The following SRGAP3 variants were observed in gnomAD, a reference collection of about 807,000 sequenced individuals.
SRGAP3 encodes SLIT-ROBO Rho GTPase-activating protein 3.
Under a neutral mutation model 121.1 loss-of-function variants are expected in SRGAP3, and 39 were observed. The ratio of observed to expected loss-of-function variants is 0.32; its 90% confidence interval spans 0.25 to 0.42. SRGAP3 has a LOEUF of 0.42. SRGAP3 is among the 10% of genes least tolerant of loss of function. SRGAP3 has a pLI of 1.00. For missense variants in SRGAP3, 1,213 were observed against 1,470.6 expected (o/e 0.82, Z 2.86); for synonymous variants, 601 against 570.0 (o/e 1.05, Z -0.77).
intron 3 of SRGAP3, among the ~76,000 whole-genome samples, chr3:9,304,117 G>A (rs1955116562): frequency 6.6e-6 from 1 of 152,180 alleles, no homozygotes; most frequent in South Asian, 2.1e-4. Flanking sequence ...CCCCATGTAC[G>A]ACTTACAGAC....
At chr3:9,359,626 T>C (rs1294045456) in intron 1 of SRGAP3, among the ~76,000 whole-genome samples, 2 of 152,198 alleles carry the variant, frequency 1.3e-5, no homozygotes, top group African/African-American at 4.8e-5. Context: ...CTCTCTGGAA[T>C]AGATGCCTTA....
chr3:9,038,166 A>C, intron 10 of SRGAP3, 76 bp from the exon 11 acceptor site: 1 of 1,572,338 alleles, frequency 6.4e-7, no homozygotes, highest in Admixed American at 1.7e-5. Context: ...TTTTCTAAAA[A>C]CAAAATACAA....
chr3:9,362,813 A>G (rs1232155852), intron 1 of SRGAP3: 1 of 152,158 alleles, frequency 6.6e-6, no homozygotes, highest in Non-Finnish European at 1.5e-5. Context: ...CTTGTTCCAA[A>G]TGAGATGACG....
Position 8,990,520 on chromosome 3 carries a change from G to GGGCCTC in SRGAP3, c.2872_2877dup (p.Glu958_Ala959dup), listed in dbSNP as rs1455538982. On this transcript the variant is annotated inframe_insertion, in exon 21 of 22. Coordinates refer to ENST00000383836, the MANE Select transcript of SRGAP3 (RefSeq NM_014850.4). ...TTCCCGCTGGCCCTTACTTCTGCCA[G>GGGCCTC]GGCCTCGGCCTCCAGGGACTTGTGG... 3 of 1,556,072 alleles carry GGGCCTC rather than the reference G, an allele frequency of 1.9e-6. No individual in the cohort carries two copies. Among genetic ancestry groups the GGGCCTC allele is most frequent in the Non-Finnish European group, 2.6e-6 (3 of 1,149,972 alleles).
At chr3:8,992,413 G>A (rs573331432) in intron 20 of SRGAP3, among the ~76,000 whole-genome samples, 1 of 152,170 alleles carries the variant, frequency 6.6e-6, no homozygotes, top group Non-Finnish European at 1.5e-5. Context: ...CATAGGGAGC[G>A]AAGAAATTGG....
At position 8,981,407 on chromosome 3, in the gene SRGAP3, A is replaced by C. The variant is rs371869122; in HGVS notation, c.*4112T>G. 6 of 232,574 alleles carry C rather than the reference A, an allele frequency of 2.6e-5. No homozygotes were observed. Among genetic ancestry groups the C allele is most frequent in the African/African-American group, 8.8e-5 (4 of 45,416 alleles). 14.4% of individuals were successfully genotyped at this position (232,574 alleles called of 1,614,324 possible). A position where few individuals can be genotyped will look rare whatever the true frequency, so the allele number is the denominator to read the frequency against. ...AGCCACTCTTCTTTCTGGGTTTCTC[A>C]GGAGAGTGAGGCATTTGCACTAGTG... On this transcript the variant is annotated 3_prime_UTR_variant, in exon 22 of 22. Coordinates refer to ENST00000383836, the MANE Select transcript of SRGAP3 (RefSeq NM_014850.4).
chr3:9,266,668 T>G (rs955871308), intron 3 of SRGAP3, among the ~76,000 whole-genome samples: 37 of 61,532 alleles, frequency 6.0e-4, no homozygotes, highest in Non-Finnish European at 1.2e-3. Context: ...GGTTTTTGGG[T>G]TTTTTTTTGC....
At chr3:8,996,762 C>T (rs529338019) in intron 18 of SRGAP3, among the ~76,000 whole-genome samples, 2 of 152,310 alleles carry the variant, frequency 1.3e-5, no homozygotes, top group South Asian at 2.1e-4. Context: ...TCAGAAAGGC[C>T]GGAGGGTTTG....
chr3:9,108,012 C>G (rs1403732347), intron 2 of SRGAP3, among the ~76,000 whole-genome samples: 1 of 152,046 alleles, frequency 6.6e-6, no homozygotes, highest in Non-Finnish European at 1.5e-5. Flanking sequence ...CCAGTGGGTA[C>G]AAATATAGTG....
In SRGAP3 at chr3:9,018,076, T is replaced by C. The variant is rs138747464; in HGVS notation, c.1679-2345A>G. 5.3e-5 allele frequency among the ~76,000 whole-genome samples: 8 copies of C among 152,338 alleles called. No individual in the cohort carries two copies. In the East Asian group the frequency reaches 1.5e-3, roughly 29 times the overall value. On this transcript the variant is annotated intron_variant, in intron 14 of 21. Transcript: ENST00000383836. ...GTGTCCATGAGATAAAGTGTTCTAG[T>C]TCCCACACAGGAGTGAGAACATTCA...
intron 1 of SRGAP3, among the ~76,000 whole-genome samples, chr3:9,141,561 T>TGG (rs1949850768): frequency 9.5e-6 from 1 of 105,228 alleles, no homozygotes; most frequent in Non-Finnish European, 1.9e-5. Context: ...GGGGTGTGTG[T>TGG]GTGTGTGTGT....
chr3:9,321,388 G>A (rs1955436234), intron 3 of SRGAP3, among the ~76,000 whole-genome samples: 1 of 151,896 alleles, frequency 6.6e-6, no homozygotes, highest in Non-Finnish European at 1.5e-5. Flanking sequence ...GAGGTAGTTT[G>A]TTATATAGCA....
At chr3:9,010,732 C>A (rs1943326597) in intron 17 of SRGAP3, among the ~76,000 whole-genome samples, 2 of 152,158 alleles carry the variant, frequency 1.3e-5, no homozygotes, top group Admixed American at 6.5e-5. Context: ...GGACCACAGG[C>A]CAGAACAAAA....
chr3:9,114,675 A>AC (rs139249053), intron 2 of SRGAP3, among the ~76,000 whole-genome samples: 10,334 of 152,302 alleles, frequency 0.068, 409 homozygotes, highest in African/African-American at 0.083. Context: ...ACTCTGCCTC[A>AC]TAGGCAATGC....
intron 3 of SRGAP3, among the ~76,000 whole-genome samples, chr3:9,286,026 T>C (rs1278146850): frequency 2.0e-5 from 3 of 151,702 alleles, no homozygotes; most frequent in Non-Finnish European, 2.9e-5. Flanking sequence ...GTGAGTAGAC[T>C]GCCTGAGCCT....
chr3:9,189,177 A>T lies in SRGAP3; in HGVS notation c.67+59708T>A, dbSNP rs529711827. On this transcript the variant is annotated intron_variant, in intron 1 of 21. Coordinates refer to ENST00000383836, the MANE Select transcript of SRGAP3 (RefSeq NM_014850.4). Reference sequence around the variant, plus strand: ...TTTTATCCTACAAACCCTGAGCTCCAGTCAATCTTGTCTCCTTTCTGCTCC... The same window carrying T: ...TTTTATCCTACAAACCCTGAGCTCCTGTCAATCTTGTCTCCTTTCTGCTCC... Among the ~76,000 whole-genome samples the T allele has an allele frequency of 3.9e-5, 6 of 152,344 alleles. No individual in the cohort carries two copies. The East Asian group carries it at 1.2e-3, about 29-fold the overall frequency.
At chr3:9,312,173 G>C (rs1315404062) in intron 3 of SRGAP3, among the ~76,000 whole-genome samples, 2 of 152,054 alleles carry the variant, frequency 1.3e-5, no homozygotes, top group East Asian at 1.9e-4. Context: ...GTTGTTTTTT[G>C]AGATGGAGTC....
chr3:9,263,957 T>G (rs144936319), intron 3 of SRGAP3, among the ~76,000 whole-genome samples: 11,190 of 152,250 alleles, frequency 0.073, 552 homozygotes, highest in Admixed American at 0.14. Context: ...TGAATATAGA[T>G]GCAAAAATCC....
intron 4 of SRGAP3, among the ~76,000 whole-genome samples, chr3:9,074,040 T>G (rs1560081196): frequency 6.6e-6 from 1 of 152,180 alleles, no homozygotes; most frequent in Admixed American, 6.5e-5. Flanking sequence ...ATCTTCTATT[T>G]CTAAATTTAA....
Sources: gnomAD v4.1 joint callset for allele counts (sites outside exome capture counted in the v4.1 genomes callset) on GRCh38, gnomAD v4.1.1 for gene constraint, MANE v1.5 for transcripts, NCBI Gene and HGNC (gene_info 2026-07-23, HGNC 2026-07-21) for gene names.